The following SINHCAF variants were observed in gnomAD, a reference collection of about 807,000 sequenced individuals.
SINHCAF encodes the protein SIN3-HDAC complex associated factor, also known as SIN3-HDAC complex-associated factor.
A neutral mutation model predicts 25.8 loss-of-function variants in SINHCAF; 3 were observed. That is an observed-to-expected ratio of 0.12 (90% CI 0.05 to 0.30). The LOEUF (loss-of-function observed/expected upper bound fraction) is 0.30, where lower values mean the gene tolerates loss of function less well. Among genes scored for constraint, SINHCAF ranks in the 10% least tolerant of loss-of-function variants. SINHCAF has a pLI of 1.00. For synonymous variants in SINHCAF, 70 were observed against 85.5 expected, an observed-to-expected ratio of 0.82 and a Z score of 1.00; for missense variants, 121 against 262.3, an observed-to-expected ratio of 0.46 and a Z score of 3.72.
In SINHCAF at chr12:31,280,622, A is replaced by T. The variant is rs1023680491; in HGVS notation, c.*2090T>A. The T allele has an allele frequency of 6.6e-5, 10 of 152,586 alleles. No homozygotes were observed. Among genetic ancestry groups the T allele is most frequent in the African/African-American group, 2.4e-4 (10 of 41,414 alleles). The allele number at this position is 152,586 out of a possible 1,614,324, so 9.5% of individuals were successfully genotyped here. ...TAAGACTAGATTTATTCAATACCCT[A>T]GTAAAAGTTTTGATTATAAGTATCC... On this transcript the variant is annotated 3_prime_UTR_variant, in exon 6 of 6. Transcript: ENST00000337682.
intron 3 of SINHCAF, among the ~76,000 whole-genome samples, chr12:31,294,796 C>A (rs780065347): frequency 2.6e-5 from 4 of 152,214 alleles, no homozygotes; most frequent in Non-Finnish European, 4.4e-5. Context: ...CTTTGCACTT[C>A]ATGAATAAAT....
intron 3 of SINHCAF, 110 bp downstream of exon 3, chr12:31,295,124 T>C: frequency 1.5e-6 from 1 of 674,754 alleles, no homozygotes; most frequent in Non-Finnish European, 2.5e-6. Context: ...TTCTTTATTC[T>C]TTTCAGACTT....
At position 31,325,144 on chromosome 12, in the gene SINHCAF, GGCCATCTTACAGC is replaced by G. The variant is rs1939910040; in HGVS notation, c.-21+867_-21+879del. The G allele has an allele frequency of 2.2e-6, 1 of 456,660 alleles. No individual in the cohort carries two copies. The highest frequency in any genetic ancestry group is 2.0e-5 in the African/African-American group (1 of 50,080). 28.3% of individuals were successfully genotyped at this position (456,660 alleles called of 1,614,324 possible). A position where few individuals can be genotyped will look rare whatever the true frequency, so the allele number is the denominator to read the frequency against. On this transcript the variant is annotated intron_variant, in intron 1 of 5. Coordinates refer to ENST00000337682, the MANE Select transcript of SINHCAF (RefSeq NM_001135812.2). The surrounding 1 kb of genome is among the most constrained non-coding windows in gnomAD (Gnocchi z 5.9). ...CATCTCCAGCCAAGTTGGCTTCCCTGGCCATCTTACAGCGCGGACGGCCGCCCATAAACGGGAA... is the reference window on the plus strand; with the variant it reads ...CATCTCCAGCCAAGTTGGCTTCCCTGGCGGACGGCCGCCCATAAACGGGAA...
At chr12:31,321,993 A>G (rs570652114) in intron 1 of SINHCAF, among the ~76,000 whole-genome samples, 1,418 of 141,530 alleles carry the variant, frequency 0.01, 22 homozygotes, top group African/African-American at 0.035. Context: ...ACTCTGGGGG[A>G]AAAAAAAAAA....
intron 4 of SINHCAF, 50 bp from the exon 5 acceptor site, chr12:31,287,834 T>A: frequency 7.4e-6 from 10 of 1,345,654 alleles, no homozygotes; most frequent in Non-Finnish European, 1.0e-5. Context: ...TCATTACATG[T>A]AATTGCAACT....
At chr12:31,301,067 A>C (rs887286903) in intron 1 of SINHCAF, among the ~76,000 whole-genome samples, 3 of 152,206 alleles carry the variant, frequency 2.0e-5, no homozygotes, top group Non-Finnish European at 4.4e-5. Flanking sequence ...CTAGGATGTG[A>C]ACTACCTTCA....
chr12:31,292,306 G>A (rs146240855), intron 4 of SINHCAF, among the ~76,000 whole-genome samples: 2 of 151,876 alleles, frequency 1.3e-5, no homozygotes, highest in Admixed American at 6.6e-5. Context: ...TGAGACCAGC[G>A]TGGGCAACAT....
Position 31,325,279 on chromosome 12 carries a change from C to T in SINHCAF, c.-21+745G>A. ...ACCCCGGACACCAGAGGCTCTTGGG[C>T]GCGGTCCGAAGAGGGCAGGCGAGTG... On this transcript the variant is annotated intron_variant, in intron 1 of 5. Coordinates refer to ENST00000337682, the MANE Select transcript of SINHCAF (RefSeq NM_001135812.2). This position sits in a 1 kb window ranked among gnomAD's most constrained non-coding sequence, Gnocchi z 5.9. 2.2e-6 allele frequency: 1 copy of T among 456,270 alleles called. No homozygotes were observed. The highest frequency in any genetic ancestry group is 4.4e-6 in the Non-Finnish European group (1 of 226,772). 28.3% of individuals were successfully genotyped at this position (456,270 alleles called of 1,614,324 possible).
intron 5 of SINHCAF, 126 bp from the exon 6 acceptor site, chr12:31,282,997 TTCCAA>T: frequency 2.9e-6 from 2 of 687,298 alleles, no homozygotes; most frequent in South Asian, 6.7e-5. Context: ...ATCTTGCACA[TTCCAA>T]GTGAAAGGGC....
chr12:31,316,210 G>C (rs1412320081), intron 1 of SINHCAF, among the ~76,000 whole-genome samples: 1 of 151,658 alleles, frequency 6.6e-6, no homozygotes, highest in East Asian at 1.9e-4. Flanking sequence ...CATAATTATA[G>C]CTCTGACCAA....
chr12:31,302,930 G>C, intron 1 of SINHCAF: 1 of 985,096 alleles, frequency 1.0e-6, no homozygotes, highest in South Asian at 4.7e-5. Context: ...AATAGGCCAT[G>C]GTTTTATTAC....
At chr12:31,288,624 C>A (rs1938173431) in intron 4 of SINHCAF, among the ~76,000 whole-genome samples, 1 of 73,372 alleles carries the variant, frequency 1.4e-5, no homozygotes, top group African/African-American at 9.4e-5. Context: ...AATTCTAACA[C>A]CTGGCGGTAA....
At chr12:31,286,696 G>A (rs939454127) in intron 5 of SINHCAF, among the ~76,000 whole-genome samples, 1 of 151,976 alleles carries the variant, frequency 6.6e-6, no homozygotes, top group African/African-American at 2.4e-5. Flanking sequence ...TGTCAATGTG[G>A]TAAATTATAT....
chr12:31,294,401 C>A (rs559141725), intron 3 of SINHCAF, among the ~76,000 whole-genome samples: 1 of 152,178 alleles, frequency 6.6e-6, no homozygotes, highest in East Asian at 1.9e-4. Context: ...TTTCACCAAG[C>A]GAGTAAATGG....
At chr12:31,300,839 G>C (rs1442498396) in intron 1 of SINHCAF, among the ~76,000 whole-genome samples, 1 of 152,144 alleles carries the variant, frequency 6.6e-6, no homozygotes, top group Non-Finnish European at 1.5e-5. Flanking sequence ...TCAGAGAACA[G>C]TTCCTCTAAT....
chr12:31,292,438 G>A (rs1565491734), intron 4 of SINHCAF, among the ~76,000 whole-genome samples: 1 of 151,878 alleles, frequency 6.6e-6, no homozygotes, highest in Non-Finnish European at 1.5e-5. Flanking sequence ...GGCAGAGGCT[G>A]CAGTGACCCA....
At chr12:31,320,908 A>G (rs180728528) in intron 1 of SINHCAF, among the ~76,000 whole-genome samples, 1 of 152,344 alleles carries the variant, frequency 6.6e-6, no homozygotes, top group Non-Finnish European at 1.5e-5. Context: ...ACATTTACCA[A>G]ATTAAAATAA....
Position 31,321,825 on chromosome 12 carries a change from A to G in SINHCAF, c.-21+4199T>C, listed in dbSNP as rs147084608. On this transcript the variant is annotated intron_variant, in intron 1 of 5. Coordinates refer to ENST00000337682, the MANE Select transcript of SINHCAF (RefSeq NM_001135812.2). ...ATGGTAAATTGATTAATTTATCCTC[A>G]TAAGAGCCCTGTATAGTTGGTTTAG... is the stretch of plus-strand genomic sequence containing the variant. 3.8e-3 allele frequency among the ~76,000 whole-genome samples: 581 copies of G among 152,328 alleles called. 8 individuals are homozygous for G. The highest frequency in any genetic ancestry group is 5.9e-3 in the Admixed American group (91 of 15,300).
At chr12:31,295,950 G>A (rs541507512) in intron 2 of SINHCAF, among the ~76,000 whole-genome samples, 113 of 151,238 alleles carry the variant, frequency 7.5e-4, no homozygotes, top group African/African-American at 2.6e-3. Flanking sequence ...GAAGACCAAG[G>A]TGGGAAGATC....
Sources: allele counts gnomAD v4.1 joint callset (sites outside exome capture counted in the v4.1 genomes callset), GRCh38; gene constraint gnomAD v4.1.1; non-coding constraint Gnocchi (gnomAD v3.1); transcripts MANE v1.5; gene names NCBI Gene and HGNC (gene_info 2026-07-23, HGNC 2026-07-21).